The following CCDC141 variants were observed in gnomAD, a reference collection of about 807,000 sequenced individuals.
CCDC141 encodes coiled-coil domain containing 141, also known as coiled-coil domain-containing protein 141.
In CCDC141, 168 loss-of-function variants were observed where a neutral mutation model predicts 181.0. The observed-to-expected ratio is 0.93, with a 90% CI of 0.82 to 1.05. The LOEUF (loss-of-function observed/expected upper bound fraction) is 1.05. Ranked by LOEUF, CCDC141 falls within the 50% of genes least tolerant of loss-of-function variation. CCDC141 has a pLI of 0.00. For missense variants in CCDC141, 1,902 were observed against 1,788.5 expected, an observed-to-expected ratio of 1.06 and a Z score of -1.14; for synonymous variants, 666 against 642.3, an observed-to-expected ratio of 1.04 and a Z score of -0.56.
intron 21 of CCDC141, among the ~76,000 whole-genome samples, chr2:178,848,974 G>C (rs542857295): frequency 6.6e-6 from 1 of 152,144 alleles, no homozygotes; most frequent in South Asian, 2.1e-4. Flanking sequence ...GAAAGAAAAA[G>C]CTATGCACGA....
intron 2 of CCDC141, among the ~76,000 whole-genome samples, chr2:178,996,604 T>G (rs765231430): frequency 1.3e-5 from 2 of 152,176 alleles, no homozygotes; most frequent in Non-Finnish European, 2.9e-5. Context: ...CCTCTTAATA[T>G]TTTTATTTTC....
chr2:178,918,501 G>A (rs1284465870), intron 7 of CCDC141, among the ~76,000 whole-genome samples: 1 of 152,114 alleles, frequency 6.6e-6, no homozygotes. Context: ...TGTTTTTAAA[G>A]TCACCTTTTA....
chr2:179,014,024 A>G (rs970572080), intron 2 of CCDC141, among the ~76,000 whole-genome samples: 1 of 151,782 alleles, frequency 6.6e-6, no homozygotes, highest in South Asian at 2.1e-4. Context: ...CTCATTTCAA[A>G]CTATACTATA....
intron 12 of CCDC141, among the ~76,000 whole-genome samples, chr2:178,872,651 T>C (rs1686172379): frequency 6.6e-6 from 1 of 152,224 alleles, no homozygotes; most frequent in Non-Finnish European, 1.5e-5. Flanking sequence ...CCTATACGCA[T>C]TTTAAGTATA....
chr2:179,040,901 G>A (rs115675064), intron 2 of CCDC141, among the ~76,000 whole-genome samples: 188 of 152,284 alleles, frequency 1.2e-3, no homozygotes, highest in African/African-American at 4.4e-3. Context: ...TATATACCTA[G>A]TAATGGATTG....
chr2:178,880,024 T>C (rs1251099100), intron 11 of CCDC141, among the ~76,000 whole-genome samples: 1 of 152,188 alleles, frequency 6.6e-6, no homozygotes, highest in Non-Finnish European at 1.5e-5. Context: ...TCTCATTAGG[T>C]TGAAACTACC....
intron 17 of CCDC141, among the ~76,000 whole-genome samples, chr2:178,861,571 G>A (rs890846715): frequency 4.6e-5 from 7 of 151,520 alleles, no homozygotes; most frequent in African/African-American, 1.5e-4. Flanking sequence ...AGGAGGCAGA[G>A]GTTGCAGTCA....
intron 17 of CCDC141, among the ~76,000 whole-genome samples, chr2:178,862,105 G>A (rs1401869696): frequency 1.3e-5 from 2 of 152,150 alleles, no homozygotes; most frequent in Non-Finnish European, 2.9e-5. Context: ...TAATCGACTT[G>A]TATCCCTGTA....
intron 2 of CCDC141, among the ~76,000 whole-genome samples, chr2:178,990,050 A>T (rs778901482): frequency 5.3e-5 from 8 of 151,616 alleles, no homozygotes; most frequent in Non-Finnish European, 1.2e-4. Flanking sequence ...AAGGCAGGAG[A>T]ATCACTTGAA....
chr2:178,818,269 G>A, the CCDC141 span, among the ~76,000 whole-genome samples: 1 of 152,020 alleles, frequency 6.6e-6, no homozygotes, highest in Non-Finnish European at 1.5e-5. Context: ...ACCCATAAAG[G>A]TGACTTTTTA....
intron 2 of CCDC141, among the ~76,000 whole-genome samples, chr2:178,981,411 A>C (rs183432248): frequency 2.0e-3 from 308 of 151,932 alleles, no homozygotes; most frequent in Admixed American, 4.5e-3. Flanking sequence ...CAGACCACAA[A>C]AGAATTAAAC....
At chr2:178,843,017 T>C (rs1684792293) in intron 22 of CCDC141, among the ~76,000 whole-genome samples, 1 of 152,188 alleles carries the variant, frequency 6.6e-6, no homozygotes, top group Non-Finnish European at 1.5e-5. Flanking sequence ...CCTCCTCACC[T>C]AGTCTGATAA....
intron 4 of CCDC141, among the ~76,000 whole-genome samples, chr2:178,974,144 T>C (rs1179770614): frequency 6.6e-6 from 1 of 152,202 alleles, no homozygotes; most frequent in African/African-American, 2.4e-5. Context: ...TAATTTATCA[T>C]AATGATCTAT....
chr2:179,028,059 G>A (rs936927481), intron 2 of CCDC141, among the ~76,000 whole-genome samples: 3 of 150,682 alleles, frequency 2.0e-5, no homozygotes, highest in African/African-American at 7.5e-5. Flanking sequence ...TGAGAATACT[G>A]GATCAAGAAG....
chr2:178,868,953 C>T (rs1230632981), intron 15 of CCDC141, among the ~76,000 whole-genome samples, 164 bp downstream of exon 15: 1 of 152,024 alleles, frequency 6.6e-6, no homozygotes, highest in East Asian at 1.9e-4. Context: ...TTGGCTGGAA[C>T]AAAAGGAAGA....
In CCDC141 at chr2:178,845,756, C is replaced by T. The variant is rs1375289034; in HGVS notation, c.3358-14G>A. On this transcript the variant is annotated splice_polypyrimidine_tract_variant and intron_variant, in intron 21 of 23. Transcript: ENST00000443758. The stretch of plus-strand genomic sequence containing the variant: ...AACATCTCCCTGCTGTACAAAGCAA[C>T]AGTTAGTGAGAGCATGAGCCAGGAA... 3 of 1,488,892 alleles carry T rather than the reference C, an allele frequency of 2.0e-6. No individual in the cohort carries two copies. Among genetic ancestry groups the T allele is most frequent in the Admixed American group, 1.7e-5 (1 of 59,826 alleles). The allele number at this position is 1,488,892 out of a possible 1,614,324, so 92.2% of individuals were successfully genotyped here.
chr2:179,009,329 G>GA (rs1180288716), intron 2 of CCDC141, among the ~76,000 whole-genome samples: 2 of 152,252 alleles, frequency 1.3e-5, no homozygotes, highest in East Asian at 3.9e-4. Context: ...CCTGGGGGTT[G>GA]AAAAGCCTTG....
chr2:178,966,079 T>G (rs1332707695), intron 4 of CCDC141, among the ~76,000 whole-genome samples: 1 of 152,178 alleles, frequency 6.6e-6, no homozygotes, highest in African/African-American at 2.4e-5. Flanking sequence ...TTCTCTTCTC[T>G]GGGCAGGGAA....
At chr2:178,850,556 T>C (rs931704261) in intron 20 of CCDC141, among the ~76,000 whole-genome samples, 10 of 122,896 alleles carry the variant, frequency 8.1e-5, no homozygotes, top group Non-Finnish European at 1.4e-4. Flanking sequence ...TATGTCACTC[T>C]AGTTCTCTCC....
Sources: allele counts gnomAD v4.1 joint callset (sites outside exome capture counted in the v4.1 genomes callset), GRCh38; gene constraint gnomAD v4.1.1; transcripts MANE v1.5; gene names NCBI Gene and HGNC (gene_info 2026-07-23, HGNC 2026-07-21).